Variants in MCF2L observed in about 807,000 individuals in gnomAD.
The protein encoded by MCF2L is guanine nucleotide exchange factor DBS.
MCF2L carries 97 observed loss-of-function variants against 153.4 expected under a neutral mutation model. That is an observed-to-expected ratio of 0.63 (90% CI 0.54 to 0.75). MCF2L has a LOEUF of 0.75. Among genes scored for constraint, MCF2L ranks in the 30% least tolerant of loss-of-function variants. The pLI is 0.00. For synonymous variants in MCF2L, 659 were observed against 632.2 expected (o/e 1.04, Z -0.64); for missense variants, 1,347 against 1,495.2 (o/e 0.90, Z 1.64).
exon 1 of MCF2L, chr13:112,894,379 C>T (rs1354774715): frequency 6.6e-6 from 1 of 150,442 alleles, no homozygotes; most frequent in Non-Finnish European, 1.5e-5. Flanking sequence ...CGCGCGGACA[C>T]CTGCGGGGCG....
intron 2 of MCF2L, among the ~76,000 whole-genome samples, chr13:112,925,300 A>G (rs941156370): frequency 3.3e-5 from 5 of 152,196 alleles, no homozygotes; most frequent in African/African-American, 1.2e-4. Context: ...GTGGGAAGGC[A>G]TATTGCTATG....
chr13:112,957,688 T>C (rs1008132586), intron 2 of MCF2L: 1 of 152,210 alleles, frequency 6.6e-6, no homozygotes, highest in African/African-American at 2.4e-5. Context: ...TGTGTGTTTT[T>C]ATTACAATAT....
intron 2 of MCF2L, among the ~76,000 whole-genome samples, chr13:112,947,979 T>G (rs1272613553): frequency 1.3e-5 from 2 of 152,204 alleles, no homozygotes; most frequent in African/African-American, 4.8e-5. Flanking sequence ...TAGCACCACG[T>G]GGACTCTGCC....
intron 1 of MCF2L, among the ~76,000 whole-genome samples, chr13:112,896,448 A>C (rs1352155006): frequency 2.0e-5 from 3 of 148,954 alleles, no homozygotes; most frequent in Non-Finnish European, 4.4e-5. Context: ...AGGTCACTTC[A>C]GAAGAGAGGC....
intron 1 of MCF2L, among the ~76,000 whole-genome samples, chr13:112,896,461 C>CCCCG (rs551332804): frequency 6.6e-6 from 1 of 152,138 alleles, no homozygotes; most frequent in African/African-American, 2.4e-5. Flanking sequence ...AGAGAGGCCC[C>CCCCG]CCCTGTCTTT....
rs768930567 is a variant in MCF2L at position 113,086,268 on chromosome 13, C to T, written c.2373+19C>T. The T allele has an allele frequency of 1.3e-5, 21 of 1,606,530 alleles. No homozygotes were observed. Among genetic ancestry groups the T allele is most frequent in the Admixed American group, 1.7e-5 (1 of 59,024 alleles). The stretch of plus-strand genomic sequence containing the variant: ...CTATGACGTAAGGCGCCCAGATGCC[C>T]GGTCTTCCCCGCCGCCTCCGTGGAA... On this transcript the variant is annotated intron_variant, in intron 21 of 29. Transcript: ENST00000535094.
At chr13:112,898,616 C>T (rs2081090849) in intron 1 of MCF2L, among the ~76,000 whole-genome samples, 1 of 152,126 alleles carries the variant, frequency 6.6e-6, no homozygotes, top group Non-Finnish European at 1.5e-5. Flanking sequence ...TACTCCCACC[C>T]CTGGGACCGT....
chr13:112,999,078 C>G (rs1163443597), intron 1 of MCF2L, among the ~76,000 whole-genome samples: 2 of 152,200 alleles, frequency 1.3e-5, no homozygotes, highest in African/African-American at 4.8e-5. Flanking sequence ...TGTGGCCCCC[C>G]AGGGACACAG....
exon 2 of MCF2L, chr13:112,902,321 A>G: frequency 6.2e-7 from 1 of 1,612,944 alleles, no homozygotes; most frequent in Non-Finnish European, 8.5e-7. Context: ...GATGTGTCTG[A>G]CGTCATCAGG....
intron 1 of MCF2L, among the ~76,000 whole-genome samples, chr13:112,977,728 T>C (rs1200614796): frequency 6.6e-6 from 1 of 152,206 alleles, no homozygotes; most frequent in Non-Finnish European, 1.5e-5. Context: ...GAGGCGACCC[T>C]GATGGCTCCC....
intron 1 of MCF2L, among the ~76,000 whole-genome samples, chr13:112,899,915 T>C (rs2140490916): frequency 6.6e-6 from 1 of 152,300 alleles, no homozygotes; most frequent in South Asian, 2.1e-4. Context: ...GCTTGCAGGG[T>C]CTTGCCTCAT....
chr13:113,001,056 C>T (rs1482991906), intron 1 of MCF2L, among the ~76,000 whole-genome samples: 2 of 152,168 alleles, frequency 1.3e-5, no homozygotes, highest in East Asian at 1.9e-4. Context: ...CTTGGGAGCT[C>T]GTCAGGGACA....
intron 2 of MCF2L, chr13:112,957,244 C>T (rs2081769360): frequency 6.6e-6 from 1 of 152,266 alleles, no homozygotes; most frequent in South Asian, 2.1e-4. Context: ...AATGCCATCG[C>T]AGCACAGGCG....
At position 112,969,495 on chromosome 13, in the gene MCF2L, A is replaced by C. The variant is rs1360246020; in HGVS notation, c.79+37A>C. ...TGCTGGCCGTCAGTGATCTGTGCTT[A>C]AGCTTGACATCATGGGCTGAAATGT... On this transcript the variant is annotated intron_variant, in intron 1 of 29. Coordinates refer to ENST00000535094, the MANE Select transcript of MCF2L (RefSeq NM_001112732.3). The surrounding 1 kb of genome is among the most constrained non-coding windows in gnomAD (Gnocchi z 4.8). 1 of 1,549,678 alleles carries C rather than the reference A, an allele frequency of 6.5e-7. No homozygotes were observed. The highest frequency in any genetic ancestry group is 2.4e-5 in the East Asian group (1 of 40,860).
rs112902145 is a variant in MCF2L at position 112,944,514 on chromosome 13, G to C, written c.169+42143G>C. 2.5e-3 allele frequency among the ~76,000 whole-genome samples: 375 copies of C among 151,614 alleles called. 2 individuals carry two copies. The highest frequency in any genetic ancestry group is 8.5e-3 in the African/African-American group (349 of 41,296). On this transcript the variant is annotated intron_variant, in intron 2 of 29. Coordinates refer to the MCF2L transcript ENST00000375608. Reference sequence around the variant, plus strand: ...GTTCCAGGAATGCTATGCACCACCAGTGCTAAGCCGCAGAAGAGCTGTCAA... The same window carrying C: ...GTTCCAGGAATGCTATGCACCACCACTGCTAAGCCGCAGAAGAGCTGTCAA...
chr13:113,082,650 G>A, intron 17 of MCF2L, 108 bp downstream of exon 17: 1 of 816,814 alleles, frequency 1.2e-6, no homozygotes, highest in Non-Finnish European at 2.0e-6. Context: ...GCCTGGCTAG[G>A]GAGGGGCGCC....
intron 2 of MCF2L, among the ~76,000 whole-genome samples, chr13:112,918,639 G>A (rs1363066486): frequency 1.3e-5 from 2 of 152,192 alleles, no homozygotes; most frequent in African/African-American, 2.4e-5. Flanking sequence ...TGATGAACAG[G>A]GGCAGAGCTG....
At chr13:112,939,676 A>T (rs530072927) in intron 2 of MCF2L, among the ~76,000 whole-genome samples, 1 of 152,182 alleles carries the variant, frequency 6.6e-6, no homozygotes, top group African/African-American at 2.4e-5. Context: ...CACTCTTCTT[A>T]GTATCAAAAG....
In MCF2L at chr13:112,904,093, C is replaced by T. The variant is rs80327080; in HGVS notation, c.169+1722C>T. 2.6e-5 allele frequency among the ~76,000 whole-genome samples: 4 copies of T among 151,080 alleles called. No individual in the cohort carries two copies. The highest frequency in any genetic ancestry group is 3.9e-4 in the East Asian group (2 of 5,128). Reference sequence around the variant, plus strand: ...CCTTTCCCTGAGCGCCCAAGTCTCGCGTGGACCAGCTCTGGGGACTGAGGA... The same window carrying T: ...CCTTTCCCTGAGCGCCCAAGTCTCGTGTGGACCAGCTCTGGGGACTGAGGA... On this transcript the variant is annotated intron_variant, in intron 2 of 29. Coordinates refer to the MCF2L transcript ENST00000375608. This position sits in a 1 kb window ranked among gnomAD's most constrained non-coding sequence, Gnocchi z 4.2.
Sources: gnomAD v4.1 joint callset for allele counts (sites outside exome capture counted in the v4.1 genomes callset) on GRCh38, gnomAD v4.1.1 for gene constraint, Gnocchi (gnomAD v3.1) non-coding constraint, MANE v1.5 for transcripts, NCBI Gene and HGNC (gene_info 2026-07-23, HGNC 2026-07-21) for gene names.